Variants in SSH2 observed in about 807,000 individuals in gnomAD.
SSH2 encodes protein phosphatase Slingshot homolog 2.
SSH2 carries 37 observed loss-of-function variants against 135.2 expected under a neutral mutation model. The ratio of observed to expected loss-of-function variants is 0.27; its 90% CI spans 0.21 to 0.36. The LOEUF is 0.36. Among genes scored for constraint, SSH2 ranks in the 10% least tolerant of loss-of-function variants. The pLI, the probability that SSH2 is intolerant of heterozygous loss-of-function variation, is 1.00. For missense variants in SSH2, 1,408 were observed against 1,765.3 expected, an observed-to-expected ratio of 0.80 and a Z score of 3.63; for synonymous variants, 628 against 646.2, an observed-to-expected ratio of 0.97 and a Z score of 0.43.
intron 14 of SSH2, among the ~76,000 whole-genome samples, chr17:29,643,930 C>A (rs927526801): frequency 1.3e-5 from 2 of 152,168 alleles, no homozygotes; most frequent in Admixed American, 1.3e-4. Context: ...AGATGCTGTA[C>A]AATTTACAGA....
chr17:29,831,324 G>A lies in SSH2; in HGVS notation c.144+17525C>T, dbSNP rs1291093785. Among the ~76,000 whole-genome samples, 4 of 152,308 alleles carry A rather than the reference G, an allele frequency of 2.6e-5. No individual in the cohort carries two copies. In the South Asian group the frequency reaches 6.2e-4, roughly 24 times the overall value. ...TGCAGAGATTCAGACTTAAATTGAG[G>A]AGGGGAAAGGTAAAAGGATGTGTGT... On this transcript the variant is annotated intron_variant, in intron 2 of 15. Transcript: ENST00000540801.
chr17:29,825,664 G>T (rs546231506), intron 2 of SSH2, among the ~76,000 whole-genome samples: 4 of 152,258 alleles, frequency 2.6e-5, no homozygotes, highest in Admixed American at 1.3e-4. Context: ...TGCAAATCAG[G>T]CTTTTGTTTA....
intron 11 of SSH2, among the ~76,000 whole-genome samples, chr17:29,661,061 C>CAAAAAAAAAAAAAAAAAAAAAAAAAAAA (rs374216221): frequency 1.0e-4 from 5 of 48,360 alleles, no homozygotes; most frequent in African/African-American, 3.4e-4. Flanking sequence ...AATTCCATCT[C>CAAAAAAAAAAAAAAAAAAAAAAAAAAAA]AAAAAAAAAA....
chr17:29,888,546 C>G (rs2066283580), intron 1 of SSH2, among the ~76,000 whole-genome samples: 1 of 152,062 alleles, frequency 6.6e-6, no homozygotes, highest in South Asian at 2.1e-4. Flanking sequence ...AAAGCAAAAA[C>G]CTAGTAATTT....
At chr17:29,635,866 C>A in intron 15 of SSH2, 102 bp downstream of exon 15, 1 of 952,200 alleles carries the variant, frequency 1.1e-6, no homozygotes, top group South Asian at 1.6e-5. Context: ...TCAAAGAAAA[C>A]CTCAGCCAGA....
chr17:29,869,166 G>T (rs146387226), intron 1 of SSH2, among the ~76,000 whole-genome samples: 1,875 of 152,302 alleles, frequency 0.012, 29 homozygotes, highest in South Asian at 0.038. Context: ...AACGGACAGA[G>T]ATTCTAGAGA....
intron 2 of SSH2, among the ~76,000 whole-genome samples, chr17:29,842,210 C>A (rs2043054112): frequency 6.6e-6 from 1 of 151,972 alleles, no homozygotes; most frequent in Non-Finnish European, 1.5e-5. Context: ...CCCCAGCACT[C>A]TGGGAGGCCG....
intron 1 of SSH2, among the ~76,000 whole-genome samples, chr17:29,888,451 T>C (rs1293263388): frequency 6.6e-6 from 1 of 152,182 alleles, no homozygotes; most frequent in Non-Finnish European, 1.5e-5. Flanking sequence ...AAAGCAGAGT[T>C]GGAGTTTTAT....
chr17:29,863,068 T>G (rs1175160583), intron 1 of SSH2, among the ~76,000 whole-genome samples: 2 of 125,298 alleles, frequency 1.6e-5, no homozygotes, highest in Non-Finnish European at 3.4e-5. Context: ...AAAAGGATTG[T>G]TTTTTTTTTA....
chr17:29,710,372 G>C (rs553679735), intron 3 of SSH2, among the ~76,000 whole-genome samples: 2 of 152,302 alleles, frequency 1.3e-5, no homozygotes, highest in African/African-American at 4.8e-5. Context: ...GCAAATTATT[G>C]TGTAATAACG....
At chr17:29,851,706 A>T (rs1038089) in intron 1 of SSH2, among the ~76,000 whole-genome samples, 63,295 of 151,984 alleles carry the variant, frequency 0.42, 15,173 homozygotes, top group East Asian at 0.69. Flanking sequence ...GACAAAAAAA[A>T]AATAATAATA....
intron 2 of SSH2, among the ~76,000 whole-genome samples, chr17:29,818,250 T>C (rs1455662801): frequency 7.1e-6 from 1 of 140,620 alleles, no homozygotes; most frequent in Admixed American, 7.2e-5. Flanking sequence ...GTATTCTTCC[T>C]TTTTTTTTTT....
chr17:29,926,390 T>A (rs1215795097), intron 1 of SSH2, among the ~76,000 whole-genome samples: 9 of 146,120 alleles, frequency 6.2e-5, no homozygotes, highest in South Asian at 2.2e-4. Context: ...AAAAAAAAAA[T>A]ACAAAATACA....
intron 3 of SSH2, among the ~76,000 whole-genome samples, chr17:29,719,514 C>CAA (rs1598872447): frequency 9.0e-6 from 1 of 111,242 alleles, no homozygotes; most frequent in African/African-American, 3.5e-5. Context: ...GACTCTGTCT[C>CAA]AAAAGAAAAA....
At chr17:29,647,955 G>A in intron 14 of SSH2, 189 bp downstream of exon 14, 4 of 599,012 alleles carry the variant, frequency 6.7e-6, no homozygotes, top group Non-Finnish European at 1.2e-5. Context: ...GAGCCACTGT[G>A]CCCGGCCAGC....
At chr17:29,821,378 A>G (rs2042648391) in intron 2 of SSH2, among the ~76,000 whole-genome samples, 3 of 151,964 alleles carry the variant, frequency 2.0e-5, no homozygotes, top group Non-Finnish European at 4.4e-5. Flanking sequence ...CTGCCTCCCA[A>G]GTAGCTGGGA....
At chr17:29,807,786 G>C (rs1406995400) in intron 2 of SSH2, among the ~76,000 whole-genome samples, 1 of 146,586 alleles carries the variant, frequency 6.8e-6, no homozygotes. Context: ...GCCAGGGAAG[G>C]TATTTATTAG....
At chr17:29,830,464 T>C (rs891510081) in intron 2 of SSH2, among the ~76,000 whole-genome samples, 1 of 152,216 alleles carries the variant, frequency 6.6e-6, no homozygotes, top group Admixed American at 6.5e-5. Context: ...TATATTCTCA[T>C]AGTATTGTAT....
intron 5 of SSH2, among the ~76,000 whole-genome samples, chr17:29,689,461 T>G (rs553150159): frequency 6.6e-6 from 1 of 152,362 alleles, no homozygotes; most frequent in South Asian, 2.1e-4. Flanking sequence ...GAGATGCATT[T>G]GATTTATCAA....
Sources: allele counts gnomAD v4.1 joint callset (sites outside exome capture counted in the v4.1 genomes callset), GRCh38; gene constraint gnomAD v4.1.1; transcripts MANE v1.5; gene names NCBI Gene and HGNC (gene_info 2026-07-23, HGNC 2026-07-21).